Variants in ACSM1 observed in about 807,000 individuals in gnomAD.
The protein encoded by ACSM1 is acyl-CoA synthetase medium chain family member 1.
Under a neutral mutation model 75.8 loss-of-function variants are expected in ACSM1, and 79 were observed. That is an observed-to-expected ratio of 1.04 (90% CI 0.87 to 1.26). The LOEUF (loss-of-function observed/expected upper bound fraction) is 1.26. Among genes scored for constraint, ACSM1 ranks in the 50% most tolerant of loss-of-function variants. ACSM1 has a pLI of 0.00. For missense variants in ACSM1, 676 were observed against 720.1 expected, an observed-to-expected ratio of 0.94 and a Z score of 0.70; for synonymous variants, 279 against 265.8, an observed-to-expected ratio of 1.05 and a Z score of -0.48.
rs150034264 is a variant in ACSM1, at chr16:20,684,463, C to T, written c.403+730G>A. On this transcript the variant is annotated intron_variant, in intron 3 of 13. Transcript: ENST00000520010. ...AACAAACTGACTTCAGAATATACCC[C>T]CTGATGTGATGCACAGAGGAAGACA... Among the ~76,000 whole-genome samples the T allele has an allele frequency of 1.1e-3, 160 of 152,304 alleles. 1 individual carries two copies. Among genetic ancestry groups the T allele is most frequent in the Non-Finnish European group, 2.0e-3 (136 of 68,020 alleles).
chr16:20,643,442 C>G lies in ACSM1; in HGVS notation c.993-2858G>C, dbSNP rs1175377933. On this transcript the variant is annotated intron_variant, in intron 7 of 13. Coordinates refer to ENST00000520010, the MANE Select transcript of ACSM1 (RefSeq NM_001318890.3). ...TGACTTCAAGAATGAAGCCGTGGAC[C>G]CTTGCAGTGGGTGTTACAGCTCTTA... 2.6e-5 allele frequency among the ~76,000 whole-genome samples: 4 copies of G among 152,074 alleles called. No homozygotes were observed. The East Asian group carries it at 7.7e-4, about 29-fold the overall frequency.
At chr16:20,672,471 A>AAAAAAAAAAAAAAAAATATAT (rs1555473775) in intron 4 of ACSM1, among the ~76,000 whole-genome samples, 2 of 64,556 alleles carry the variant, frequency 3.1e-5, no homozygotes, top group Non-Finnish European at 5.3e-5. Context: ...AAAAAAAAAA[A>AAAAAAAAAAAAAAAAATATAT]ATATATATAT....
intron 3 of ACSM1, 92 bp downstream of exon 3, chr16:20,685,101 G>A: frequency 7.2e-7 from 1 of 1,380,518 alleles, no homozygotes. Context: ...AGCTGTGTCA[G>A]TGCCAGGCTG....
chr16:20,688,491 A>G (rs1032085810), intron 2 of ACSM1, among the ~76,000 whole-genome samples: 5 of 152,180 alleles, frequency 3.3e-5, no homozygotes, highest in African/African-American at 1.2e-4. Flanking sequence ...AAGGAGGACC[A>G]ATATCAAGAC....
intron 2 of ACSM1, among the ~76,000 whole-genome samples, chr16:20,688,751 C>T (rs1046327471): frequency 1.3e-5 from 2 of 151,778 alleles, no homozygotes; most frequent in African/African-American, 4.8e-5. Flanking sequence ...TAGACTTGCC[C>T]CTACAAGAAA....
At chr16:20,673,082 T>A (rs1482558797) in intron 4 of ACSM1, among the ~76,000 whole-genome samples, 2 of 146,650 alleles carry the variant, frequency 1.4e-5, no homozygotes, top group East Asian at 3.9e-4. Flanking sequence ...TACTTATATA[T>A]AAATTATACT....
intron 4 of ACSM1, among the ~76,000 whole-genome samples, chr16:20,676,804 C>T (rs2020309155): frequency 6.6e-6 from 1 of 151,870 alleles, no homozygotes; most frequent in Non-Finnish European, 1.5e-5. Context: ...GGAAATGACA[C>T]TAGAAGAATA....
chr16:20,695,862 ACTAT>A (rs1176185602), intron 1 of ACSM1, among the ~76,000 whole-genome samples: 11 of 152,150 alleles, frequency 7.2e-5, no homozygotes, highest in African/African-American at 1.9e-4. Context: ...TACCTATATC[ACTAT>A]CTGTGTATAT....
At chr16:20,626,825 T>C (rs1382837668) in intron 11 of ACSM1, among the ~76,000 whole-genome samples, 1 of 152,214 alleles carries the variant, frequency 6.6e-6, no homozygotes, top group African/African-American at 2.4e-5. Context: ...ATTATTACTA[T>C]GTTTGTCCTG....
intron 7 of ACSM1, among the ~76,000 whole-genome samples, chr16:20,640,888 T>C (rs1262735035): frequency 6.6e-6 from 1 of 152,232 alleles, no homozygotes; most frequent in African/African-American, 2.4e-5. Context: ...AGAACTCCTC[T>C]TGGGGAAGCA....
chr16:20,691,893 G>A (rs1390368778), intron 1 of ACSM1, among the ~76,000 whole-genome samples: 1 of 151,912 alleles, frequency 6.6e-6, no homozygotes, highest in East Asian at 1.9e-4. Flanking sequence ...TTCCTATCAT[G>A]TGGAGACAGC....
In ACSM1 at chr16:20,691,132, G is replaced by C; in HGVS notation, c.57C>G (p.Asn19Lys). The C allele has an allele frequency of 6.2e-7, 1 of 1,613,108 alleles. No homozygotes were observed. Among genetic ancestry groups the C allele is most frequent in the Non-Finnish European group, 8.5e-7 (1 of 1,179,554 alleles). The change falls in exon 2 of 14, where the codon AAC (asparagine) becomes AAG (lysine). Residue 19 changes from asparagine (N) to lysine (K), a missense_variant. Transcript: ENST00000520010. Reference sequence around the variant, plus strand: ...GCAGCTGTGAAGGGGCAGGGTGGATGTTGTGGAAGGATTTGTGGATGCCCC... The same window carrying C: ...GCAGCTGTGAAGGGGCAGGGTGGATCTTGTGGAAGGATTTGTGGATGCCCC... Reference protein sequence around the residue: ...TLWGIHKSFHNIHPAPSQLRC... With the variant: ...TLWGIHKSFHKIHPAPSQLRC...
At chr16:20,697,325 C>T (rs531957557) in intron 1 of ACSM1, among the ~76,000 whole-genome samples, 3 of 152,140 alleles carry the variant, frequency 2.0e-5, no homozygotes, top group Non-Finnish European at 4.4e-5. Flanking sequence ...TCATCTCTGA[C>T]TTTGTGCCTG....
rs964334919 is a variant in ACSM1 at position 20,627,369 on chromosome 16, A to G, written c.1300-53T>C. The G allele has an allele frequency of 8.4e-5, 128 of 1,517,264 alleles. No homozygotes were observed. In the African/African-American group the frequency reaches 1.6e-3, roughly 19 times the overall value. 94.0% of individuals were successfully genotyped at this position (1,517,264 alleles called of 1,614,324 possible). A position where few individuals can be genotyped will look rare whatever the true frequency, so the allele number is the denominator to read the frequency against. On this transcript the variant is annotated intron_variant, in intron 10 of 13. Coordinates refer to ENST00000520010, the MANE Select transcript of ACSM1 (RefSeq NM_001318890.3). ...GAAGGCAGTGAATTTAGAGGTGATG[A>G]GCCACAACCTTGGGTTCCAATCTGG...
chr16:20,688,333 C>T (rs1457811863), intron 2 of ACSM1, among the ~76,000 whole-genome samples: 1 of 151,978 alleles, frequency 6.6e-6, no homozygotes, highest in Non-Finnish European at 1.5e-5. Flanking sequence ...AACCAATATA[C>T]CCATTTTGGG....
intron 7 of ACSM1, among the ~76,000 whole-genome samples, chr16:20,660,271 A>G (rs768524053): frequency 2.0e-5 from 3 of 152,244 alleles, no homozygotes; most frequent in Non-Finnish European, 4.4e-5. Context: ...TTCCCTGAAG[A>G]AAATGGAGAA....
At chr16:20,625,643 A>G in intron 11 of ACSM1, 121 bp from the exon 12 acceptor site, 1 of 808,160 alleles carries the variant, frequency 1.2e-6, no homozygotes, top group Non-Finnish European at 2.0e-6. Context: ...GAAGCCAGGG[A>G]CCCCTGACTT....
At chr16:20,674,783 G>C (rs960123613) in intron 4 of ACSM1, 6 of 152,306 alleles carry the variant, frequency 3.9e-5, no homozygotes, top group African/African-American at 1.4e-4. Context: ...CTGAACCTGA[G>C]ATGGGGCTGC....
chr16:20,691,487 A>G (rs1184244359), intron 1 of ACSM1, among the ~76,000 whole-genome samples: 2 of 152,064 alleles, frequency 1.3e-5, no homozygotes, highest in South Asian at 2.1e-4. Context: ...TTCTCCTTCA[A>G]CCTGCTAAGA....
Sources: gnomAD v4.1 joint callset for allele counts (sites outside exome capture counted in the v4.1 genomes callset) on GRCh38, gnomAD v4.1.1 for gene constraint, MANE v1.5 for transcripts, NCBI Gene and HGNC (gene_info 2026-07-23, HGNC 2026-07-21) for gene names.